The following NTRK3 variants were observed in gnomAD, a reference collection of about 807,000 sequenced individuals.
NTRK3 encodes the protein neurotrophic receptor tyrosine kinase 3.
NTRK3 carries 24 observed loss-of-function variants against 91.7 expected under a neutral mutation model. The ratio of observed to expected loss-of-function variants is 0.26; its 90% confidence interval spans 0.19 to 0.37. The LOEUF (loss-of-function observed/expected upper bound fraction) is 0.37. NTRK3 is among the 10% of genes least tolerant of loss of function. NTRK3 has a pLI of 1.00. For missense variants in NTRK3, 880 were observed against 1,068.9 expected (o/e 0.82, Z 2.46); for synonymous variants, 483 against 404.0 (o/e 1.20, Z -2.34).
chr15:87,905,663 T>A (rs539511477), intron 17 of NTRK3, among the ~76,000 whole-genome samples: 1 of 152,148 alleles, frequency 6.6e-6, no homozygotes, highest in Non-Finnish European at 1.5e-5. Flanking sequence ...CAAACTCAAC[T>A]CTTCGCTCAA....
intron 14 of NTRK3, among the ~76,000 whole-genome samples, chr15:87,992,558 T>A (rs1158751772): frequency 6.6e-6 from 1 of 152,166 alleles, no homozygotes; most frequent in Non-Finnish European, 1.5e-5. Flanking sequence ...AATAAGACTA[T>A]TTGGAAAAAA....
At chr15:88,132,328 C>A (rs1231615413) in intron 10 of NTRK3, among the ~76,000 whole-genome samples, 1 of 152,224 alleles carries the variant, frequency 6.6e-6, no homozygotes, top group African/African-American at 2.4e-5. Context: ...ATGCACTTGG[C>A]AGGCATAACT....
chr15:88,240,636 A>T lies in NTRK3; in HGVS notation c.248+15270T>A, dbSNP rs2052259340. ...ACAAACCTCAGCTCTGCCACTTCCT[A>T]GCAGAACCACCTAGGGCAAGCTACT... On this transcript the variant is annotated intron_variant, in intron 3 of 18. Coordinates refer to ENST00000394480, the Ensembl canonical transcript of NTRK3. This position sits in a 1 kb window ranked among gnomAD's most constrained non-coding sequence, Gnocchi z 4.9. 6.6e-6 allele frequency among the ~76,000 whole-genome samples: 1 copy of T among 152,146 alleles called. No homozygotes were observed. Among genetic ancestry groups the T allele is most frequent in the Non-Finnish European group, 1.5e-5 (1 of 67,990 alleles).
intron 3 of NTRK3, among the ~76,000 whole-genome samples, chr15:88,210,730 G>A (rs575765603): frequency 4.9e-4 from 75 of 152,300 alleles, no homozygotes; most frequent in African/African-American, 1.6e-3. Context: ...ATATCACTGA[G>A]TTCTTCTGAT....
chr15:88,085,266 T>C (rs2048393787), intron 13 of NTRK3, among the ~76,000 whole-genome samples: 1 of 152,164 alleles, frequency 6.6e-6, no homozygotes, highest in East Asian at 1.9e-4. Context: ...GAGTAATAGA[T>C]GGGATGATTG....
At chr15:88,032,739 A>G in intron 14 of NTRK3, 118 bp downstream of exon 14, 1 of 1,126,728 alleles carries the variant, frequency 8.9e-7, no homozygotes, top group Admixed American at 2.0e-5. Flanking sequence ...GTCTCTTAGA[A>G]AGTGGGAGGT....
chr15:88,188,342 C>G (rs2047116220), intron 3 of NTRK3, among the ~76,000 whole-genome samples: 1 of 152,214 alleles, frequency 6.6e-6, no homozygotes, highest in African/African-American at 2.4e-5. Flanking sequence ...TGCCCCCCAG[C>G]AGACATTTGA....
chr15:88,025,738 G>T lies in NTRK3; in HGVS notation c.1585+7119C>A, dbSNP rs557661079. 2.6e-5 allele frequency among the ~76,000 whole-genome samples: 4 copies of T among 152,244 alleles called. No individual in the cohort carries two copies. In the East Asian group the frequency reaches 7.7e-4, roughly 29 times the overall value. ...TGAGATAAAAAATTTCTGTTGTTTG[G>T]GGCCACCCAACTTATGGTACTGTAT... is the stretch of plus-strand genomic sequence containing the variant. On this transcript the variant is annotated intron_variant, in intron 14 of 18. Transcript: ENST00000394480.
intron 10 of NTRK3, among the ~76,000 whole-genome samples, chr15:88,132,610 G>T (rs750478700): frequency 1.3e-5 from 2 of 152,108 alleles, no homozygotes; most frequent in Admixed American, 1.3e-4. Flanking sequence ...TGATAATCAC[G>T]ATGTCTCCAC....
At chr15:88,126,701 T>C (rs2053323798) in intron 12 of NTRK3, among the ~76,000 whole-genome samples, 1 of 152,216 alleles carries the variant, frequency 6.6e-6, no homozygotes, top group African/African-American at 2.4e-5. Flanking sequence ...ATTCTGCATC[T>C]TCATGTTAAA....
intron 13 of NTRK3, chr15:88,098,805 A>G (rs952454115): frequency 8.6e-6 from 2 of 232,976 alleles, no homozygotes; most frequent in Admixed American, 1.1e-4. Context: ...AAAGACAGGC[A>G]TTCATCTTGG....
At chr15:88,074,917 T>A (rs765226424) in intron 13 of NTRK3, among the ~76,000 whole-genome samples, 1 of 152,184 alleles carries the variant, frequency 6.6e-6, no homozygotes, top group African/African-American at 2.4e-5. Context: ...GTTATTGGAA[T>A]CAAGTGAGCT....
chr15:88,120,392 C>T (rs1356431925), intron 13 of NTRK3, among the ~76,000 whole-genome samples: 1 of 152,212 alleles, frequency 6.6e-6, no homozygotes, highest in East Asian at 1.9e-4. Flanking sequence ...TACAATGGAA[C>T]AGTCCTGCAA....
At chr15:88,036,088 A>T (rs1169858739) in intron 13 of NTRK3, among the ~76,000 whole-genome samples, 1 of 152,186 alleles carries the variant, frequency 6.6e-6, no homozygotes, top group African/African-American at 2.4e-5. Context: ...AACAGAAGAG[A>T]TGAATGGAAA....
chr15:88,000,981 G>T (rs938934836), intron 14 of NTRK3, among the ~76,000 whole-genome samples: 3 of 152,048 alleles, frequency 2.0e-5, no homozygotes, highest in African/African-American at 4.8e-5. Flanking sequence ...AGGTGTAAAG[G>T]TTCTACTTTC....
At chr15:88,099,859 C>A (rs564735040) in intron 13 of NTRK3, among the ~76,000 whole-genome samples, 1 of 152,092 alleles carries the variant, frequency 6.6e-6, no homozygotes, top group East Asian at 1.9e-4. Context: ...TAGAGATAAC[C>A]GACAGCATGG....
At chr15:87,932,969 G>A (rs1167632699) in intron 16 of NTRK3, 43 bp downstream of exon 16, 1 of 1,609,558 alleles carries the variant, frequency 6.2e-7, no homozygotes, top group Non-Finnish European at 8.5e-7. Context: ...CAAGGGTTCG[G>A]TGGGACTGGG....
chr15:88,140,857 G>A (rs911890357), intron 6 of NTRK3, among the ~76,000 whole-genome samples: 32 of 152,158 alleles, frequency 2.1e-4, no homozygotes, highest in African/African-American at 2.7e-4. Flanking sequence ...GGCCTAGAGT[G>A]GAGTGGGAAA....
intron 17 of NTRK3, among the ~76,000 whole-genome samples, chr15:87,907,841 C>T (rs1282614289): frequency 6.6e-6 from 1 of 152,136 alleles, no homozygotes; most frequent in Non-Finnish European, 1.5e-5. Flanking sequence ...GCAGTATGTC[C>T]ATCTCCCTGC....
Sources: gnomAD v4.1 joint callset for allele counts (sites outside exome capture counted in the v4.1 genomes callset) on GRCh38, gnomAD v4.1.1 for gene constraint, Gnocchi (gnomAD v3.1) non-coding constraint, MANE v1.5 for transcripts, NCBI Gene and HGNC (gene_info 2026-07-23, HGNC 2026-07-21) for gene names.